Variants in ERBIN observed in about 807,000 individuals in gnomAD.
ERBIN encodes erbb2 interacting protein, also known as densin-180-like protein.
A neutral mutation model predicts 158.4 loss-of-function variants in ERBIN; 60 were observed. The ratio of observed to expected loss-of-function variants is 0.38; its 90% CI spans 0.31 to 0.47. The LOEUF is 0.47. Ranked by LOEUF, ERBIN falls within the 20% of genes least tolerant of loss-of-function variation. The pLI is 0.99. For missense variants in ERBIN, 1,610 were observed against 1,648.0 expected, an observed-to-expected ratio of 0.98 and a Z score of 0.40; for synonymous variants, 594 against 557.2, an observed-to-expected ratio of 1.07 and a Z score of -0.93.
chr5:65,954,762 G>GA (rs11359030), intron 1 of ERBIN, among the ~76,000 whole-genome samples: 1,558 of 142,360 alleles, frequency 0.011, 14 homozygotes, highest in Middle Eastern at 0.04. Flanking sequence ...TTTCAGAACT[G>GA]AAAAAAAAAA....
At chr5:65,929,072 T>TTTA (rs1743038089) in intron 1 of ERBIN, among the ~76,000 whole-genome samples, 2 of 152,228 alleles carry the variant, frequency 1.3e-5, no homozygotes, top group African/African-American at 4.8e-5. Context: ...GAGGTCTCCT[T>TTTA]GCCATTTGAG....
intron 14 of ERBIN, among the ~76,000 whole-genome samples, chr5:66,028,899 ATCTTCT>A (rs1340008527): frequency 6.6e-6 from 1 of 152,134 alleles, no homozygotes; most frequent in Non-Finnish European, 1.5e-5. Context: ...TGTGAAGTTT[ATCTTCT>A]TGTTCCTGCT....
intron 1 of ERBIN, among the ~76,000 whole-genome samples, chr5:65,937,768 G>T (rs1744259592): frequency 1.3e-5 from 2 of 152,136 alleles, no homozygotes; most frequent in Non-Finnish European, 2.9e-5. Flanking sequence ...AATTAGCGGG[G>T]TGTGGTAGCA....
chr5:66,022,413 A>G (rs1004976720), intron 8 of ERBIN, among the ~76,000 whole-genome samples: 1 of 152,310 alleles, frequency 6.6e-6, no homozygotes, highest in African/African-American at 2.4e-5. Context: ...ACAGTAATGC[A>G]CAAAAGGAAA....
At chr5:65,977,761 C>T (rs907347134) in intron 1 of ERBIN, among the ~76,000 whole-genome samples, 184 of 152,238 alleles carry the variant, frequency 1.2e-3, no homozygotes, top group Non-Finnish European at 2.4e-3. Context: ...GGGTGGCGGC[C>T]GGGCAGAGGC....
chr5:66,033,857 C>G (rs993809136), intron 14 of ERBIN, among the ~76,000 whole-genome samples: 1 of 152,012 alleles, frequency 6.6e-6, no homozygotes, highest in African/African-American at 2.4e-5. Flanking sequence ...GCCTGTAGTC[C>G]CAACACTTTG....
intron 19 of ERBIN, among the ~76,000 whole-genome samples, chr5:66,049,531 A>T (rs1276850144): frequency 6.6e-6 from 1 of 152,060 alleles, no homozygotes; most frequent in Non-Finnish European, 1.5e-5. Context: ...AACCCCCATG[A>T]TGAGGTGGAA....
At chr5:65,971,541 G>T (rs1201867265) in intron 1 of ERBIN, among the ~76,000 whole-genome samples, 2 of 152,186 alleles carry the variant, frequency 1.3e-5, no homozygotes, top group African/African-American at 2.4e-5. Context: ...TAATAAGGAT[G>T]TAATAGTTTC....
chr5:65,951,781 A>C (rs1013881798), intron 1 of ERBIN, among the ~76,000 whole-genome samples: 8 of 152,266 alleles, frequency 5.3e-5, no homozygotes, highest in African/African-American at 1.4e-4. Flanking sequence ...TATATAAACT[A>C]TAACATTTAT....
intron 1 of ERBIN, among the ~76,000 whole-genome samples, chr5:65,927,282 A>G (rs2150819140): frequency 6.6e-6 from 1 of 152,308 alleles, no homozygotes; most frequent in South Asian, 2.1e-4. Flanking sequence ...AATTGTATAT[A>G]GAGGTATTTA....
In ERBIN at chr5:66,043,171, C is replaced by G; in HGVS notation, c.1401C>G (p.Asp467Glu). 1 of 1,613,382 alleles carries G rather than the reference C, an allele frequency of 6.2e-7. No individual in the cohort carries two copies. Among genetic ancestry groups the G allele is most frequent in the South Asian group, 1.1e-5 (1 of 91,062 alleles). ...AAGTTGCATTTGAATGTGATGAAGA[C>G]AAAGATGAAAGGGAGGCACCTCCCA... ...RAQVAFECDE[D>E]KDEREAPPRE... Residue 467 changes from aspartate to glutamate, a missense_variant, in exon 16 of 26, where the codon GAC (aspartate) becomes GAG (glutamate). Coordinates refer to ENST00000284037, the MANE Select transcript of ERBIN (RefSeq NM_001253697.2).
chr5:65,995,002 T>G, intron 4 of ERBIN, 138 bp downstream of exon 4: 6 of 604,882 alleles, frequency 9.9e-6, no homozygotes, highest in Non-Finnish European at 1.1e-5. Context: ...TAAGAATGTT[T>G]TATGTAAAGA....
In ERBIN at chr5:66,076,977, C is replaced by T. The variant is rs73763088; in HGVS notation, c.4131+28C>T. 15,716 of 1,214,852 alleles carry T rather than the reference C, an allele frequency of 0.013. 1,467 individuals carry two copies. The African/African-American group carries it at 0.23, about 18-fold the overall frequency. The allele number at this position is 1,214,852 out of a possible 1,614,324, so 75.3% of individuals were successfully genotyped here. On this transcript the variant is annotated intron_variant, in intron 25 of 25. Coordinates refer to ENST00000284037, the MANE Select transcript of ERBIN (RefSeq NM_001253697.2). ...AATTAAAATAAATCTTTTTTTTTTTCATTTTATAACACTCTAATGTTTTCA... is the reference window on the plus strand; with the variant it reads ...AATTAAAATAAATCTTTTTTTTTTTTATTTTATAACACTCTAATGTTTTCA...
chr5:65,983,990 C>T (rs1163083165), intron 1 of ERBIN, among the ~76,000 whole-genome samples: 1 of 152,178 alleles, frequency 6.6e-6, no homozygotes, highest in Non-Finnish European at 1.5e-5. Flanking sequence ...CCACTGTCCC[C>T]CAGCCAGCTG....
chr5:66,060,549 C>T (rs1760162379), intron 21 of ERBIN, among the ~76,000 whole-genome samples: 1 of 152,164 alleles, frequency 6.6e-6, no homozygotes, highest in Admixed American at 6.5e-5. Flanking sequence ...TTCAGTTCTG[C>T]TCTGATCTTA....
intron 4 of ERBIN, 80 bp downstream of exon 4, chr5:65,994,944 A>C (rs1036295168): frequency 5.0e-6 from 4 of 803,720 alleles, no homozygotes; most frequent in Middle Eastern, 2.5e-4. Flanking sequence ...TTTCAAAAAT[A>C]AAAATATAAA....
chr5:66,076,583 C>T, intron 24 of ERBIN, 175 bp downstream of exon 24: 1 of 620,310 alleles, frequency 1.6e-6, no homozygotes, highest in Non-Finnish European at 2.8e-6. Flanking sequence ...CAAGTTAAAA[C>T]AATTTAACCA....
At chr5:65,957,836 C>T (rs1241906470) in intron 1 of ERBIN, among the ~76,000 whole-genome samples, 5 of 148,240 alleles carry the variant, frequency 3.4e-5, no homozygotes, top group Non-Finnish European at 5.9e-5. Flanking sequence ...GGCTGCCGGG[C>T]GGAGGGGCTC....
At chr5:66,044,653 T>C (rs368450031) in intron 17 of ERBIN, among the ~76,000 whole-genome samples, 2 of 152,100 alleles carry the variant, frequency 1.3e-5, no homozygotes, top group East Asian at 1.9e-4. Context: ...TAATCCCAGC[T>C]ACTTGGGAGG....
Sources: allele counts gnomAD v4.1 joint callset (sites outside exome capture counted in the v4.1 genomes callset), GRCh38; gene constraint gnomAD v4.1.1; transcripts MANE v1.5; gene names NCBI Gene and HGNC (gene_info 2026-07-23, HGNC 2026-07-21).